Variants in CCNJL observed in about 807,000 individuals in gnomAD.
CCNJL encodes the protein cyclin-J-like protein.
Under a neutral mutation model 33.4 loss-of-function variants are expected in CCNJL, and 33 were observed. The ratio of observed to expected loss-of-function variants is 0.99; its 90% CI spans 0.75 to 1.32. CCNJL has a LOEUF of 1.32. Among genes scored for constraint, CCNJL ranks in the 40% most tolerant of loss-of-function variants. The probability of loss-of-function intolerance (pLI) is 0.00; values close to 1 mark genes in which losing one functional copy is unlikely to be tolerated. For synonymous variants in CCNJL, 227 were observed against 220.9 expected (o/e 1.03, Z -0.24); for missense variants, 512 against 499.7 (o/e 1.02, Z -0.23).
chr5:160,264,449 G>A (rs542066507), intron 3 of CCNJL, among the ~76,000 whole-genome samples: 1 of 152,148 alleles, frequency 6.6e-6, no homozygotes, highest in Admixed American at 6.5e-5. Context: ...CGTGGCAGGT[G>A]AGGATGACCA....
intron 1 of CCNJL, among the ~76,000 whole-genome samples, chr5:160,331,484 A>G (rs765672218): frequency 6.6e-5 from 10 of 151,960 alleles, no homozygotes; most frequent in African/African-American, 1.2e-4. Flanking sequence ...TCAGCCTCCC[A>G]AAGTCCTGGG....
At chr5:160,313,719 G>A (rs1322591672), upstream of CCNJL, among the ~76,000 whole-genome samples, 1 of 152,170 alleles carries the variant, frequency 6.6e-6, no homozygotes, top group East Asian at 1.9e-4. Flanking sequence ...AAGGCTTGAA[G>A]GAATAGAGGC....
chr5:160,307,248 C>T (rs1293951477), intron 2 of CCNJL, among the ~76,000 whole-genome samples: 1 of 152,158 alleles, frequency 6.6e-6, no homozygotes, highest in Non-Finnish European at 1.5e-5. Flanking sequence ...TCTGGGAATG[C>T]CAAGGTAACA....
At chr5:160,270,873 G>A (rs1761809988) in intron 3 of CCNJL, among the ~76,000 whole-genome samples, 1 of 152,162 alleles carries the variant, frequency 6.6e-6, no homozygotes, top group Admixed American at 6.5e-5. Context: ...ATTCCAGAAC[G>A]TAGGTCTGCT....
At position 160,253,458 on chromosome 5, in the gene CCNJL, T is replaced by C. The variant is rs1411028926; in HGVS notation, c.1084A>G (p.Arg362Gly). 9 of 1,613,236 alleles carry C rather than the reference T, an allele frequency of 5.6e-6. No homozygotes were observed. Among genetic ancestry groups the C allele is most frequent in the Non-Finnish European group, 7.6e-6 (9 of 1,179,622 alleles). The part of the protein sequence containing the change: ...SMHMAIAAEP[R>G]HCLATTYGSS... Reference sequence around the variant, plus strand: ...CCATAGGTGGTGGCGAGGCAGTGCCTGGGCTCAGCTGCAATGGCCATATGC... The same window carrying C: ...CCATAGGTGGTGGCGAGGCAGTGCCCGGGCTCAGCTGCAATGGCCATATGC... Residue 362 changes from arginine to glycine, a missense_variant, in exon 6 of 6, where the codon AGG (arginine) becomes GGG (glycine). Physicochemically the swap from Arg to Gly is moderately radical, Grantham distance 125. Transcript: ENST00000257536.
At chr5:160,298,007 GGAGGCTGCATTGCAAGTCCTCTGCTCTAT>G (rs1324125929) in intron 2 of CCNJL, among the ~76,000 whole-genome samples, 1 of 152,150 alleles carries the variant, frequency 6.6e-6, no homozygotes, top group Non-Finnish European at 1.5e-5. Context: ...TCACCAACTT[GGAGGCTGCATTGCAAGTCCTCTGCTCTAT>G]GTGTGCCTTA....
rs919863912 is a variant in CCNJL at position 160,307,744 on chromosome 5, C to G, written c.66+4114G>C. Reference sequence around the variant, plus strand: ...GCACTCCCACCCCCAGCAGAAAGGTCAGAGGAGCTGAAGGGAGCGGGGTCC... The same window carrying G: ...GCACTCCCACCCCCAGCAGAAAGGTGAGAGGAGCTGAAGGGAGCGGGGTCC... On this transcript the variant is annotated intron_variant, in intron 2 of 5. Coordinates refer to ENST00000257536, the MANE Select transcript of CCNJL (RefSeq NM_001308173.3). 5.3e-5 allele frequency among the ~76,000 whole-genome samples: 8 copies of G among 152,142 alleles called. No individual in the cohort carries two copies. In the East Asian group the frequency reaches 1.5e-3, roughly 29 times the overall value.
At position 160,257,422 on chromosome 5, in the gene CCNJL, C is replaced by T. The variant is rs371994544; in HGVS notation, c.584-1714G>A. 3.3e-3 allele frequency among the ~76,000 whole-genome samples: 509 copies of T among 152,134 alleles called. 1 individual carries two copies. Among genetic ancestry groups the T allele is most frequent in the African/African-American group, 0.012 (485 of 41,502 alleles). On this transcript the variant is annotated intron_variant, in intron 4 of 5. Coordinates refer to ENST00000257536, the MANE Select transcript of CCNJL (RefSeq NM_001308173.3). ...CCTGGGAGGCGGAGCTTGCAGTGAGCCAAGATCGTGCCACTACACTCCAGC... is the reference window on the plus strand; with the variant it reads ...CCTGGGAGGCGGAGCTTGCAGTGAGTCAAGATCGTGCCACTACACTCCAGC...
rs1438887872 is a variant in CCNJL at position 160,283,000 on chromosome 5, T to TATATATATAC, written c.67-2272_67-2263dup. On this transcript the variant is annotated intron_variant, in intron 2 of 5. Coordinates refer to ENST00000257536, the MANE Select transcript of CCNJL (RefSeq NM_001308173.3). ...ATATATATATATATATATATATATA[T>TATATATATAC]ATATATATACATATATATATATATA... is the stretch of plus-strand genomic sequence containing the variant. Among the ~76,000 whole-genome samples the TATATATATAC allele has an allele frequency of 1.1e-4, 6 of 56,496 alleles. No homozygotes were observed. The East Asian group carries it at 5.9e-3, about 56-fold the overall frequency. The allele number at this position is 56,496 out of a possible 152,430, so 37.1% of individuals were successfully genotyped here.
At position 160,253,727 on chromosome 5, in the gene CCNJL, G is replaced by C. The variant is rs554916887; in HGVS notation, c.815C>G (p.Pro272Arg). Reference sequence around the variant, plus strand: ...GAACAGCACTTGAGTGGGGGTGGGGGGTGTGCCGGGCACCATTGCCAAGGC... The same window carrying C: ...GAACAGCACTTGAGTGGGGGTGGGGCGTGTGCCGGGCACCATTGCCAAGGC... Reference protein sequence around the residue: ...SQALAMVPGTPPTPTQVLFQP... With the variant: ...SQALAMVPGTRPTPTQVLFQP... Residue 272 changes from proline (P) to arginine (R), a missense_variant, in exon 6 of 6, where the codon CCC becomes CGC. Physicochemically the swap from Pro to Arg is moderately radical, Grantham distance 103 (BLOSUM62 -2). Transcript: ENST00000257536. 1.3e-6 allele frequency: 2 copies of C among 1,579,486 alleles called. No homozygotes were observed. The highest frequency in any genetic ancestry group is 1.7e-6 in the Non-Finnish European group (2 of 1,164,118).
rs1024854192 is a variant in CCNJL at position 160,292,263 on chromosome 5, A to G, written c.67-11525T>C. ...TTTGGAATTGCTCATTATGATGAATAGTTTTATAGAGCCTTATGAGATATA... is the reference window on the plus strand; with the variant it reads ...TTTGGAATTGCTCATTATGATGAATGGTTTTATAGAGCCTTATGAGATATA... On this transcript the variant is annotated intron_variant, in intron 2 of 5. Transcript: ENST00000257536. Among the ~76,000 whole-genome samples, 3 of 152,278 alleles carry G rather than the reference A, an allele frequency of 2.0e-5. No individual in the cohort carries two copies. The East Asian group carries it at 5.8e-4, about 29-fold the overall frequency.
chr5:160,263,665 G>C (rs1021664846), intron 3 of CCNJL, among the ~76,000 whole-genome samples: 4 of 152,184 alleles, frequency 2.6e-5, no homozygotes, highest in Admixed American at 6.5e-5. Context: ...GCTTATGTTA[G>C]ATCACTTGAT....
rs139826604 is a variant in CCNJL at position 160,299,901 on chromosome 5, C to T, written c.66+11957G>A. Among the ~76,000 whole-genome samples the T allele has an allele frequency of 3.5e-4, 53 of 151,776 alleles. No homozygotes were observed. The East Asian group carries it at 3.7e-3, about 11-fold the overall frequency. The stretch of plus-strand genomic sequence containing the variant: ...CACACCAACGCTGTCTACCACGTTG[C>T]GTCTAATGACTGCACCATATTTTCA... On this transcript the variant is annotated intron_variant, in intron 2 of 5. Coordinates refer to ENST00000257536, the MANE Select transcript of CCNJL (RefSeq NM_001308173.3).
At chr5:160,296,079 T>C (rs1156735810) in intron 2 of CCNJL, among the ~76,000 whole-genome samples, 3 of 152,216 alleles carry the variant, frequency 2.0e-5, no homozygotes, top group Non-Finnish European at 4.4e-5. Context: ...TAGCACAGTG[T>C]GTAGCATGCA....
At chr5:160,338,199 C>T (rs1203344099) in intron 1 of CCNJL, among the ~76,000 whole-genome samples, 2 of 151,878 alleles carry the variant, frequency 1.3e-5, no homozygotes, top group Admixed American at 6.6e-5. Flanking sequence ...AAGTTGGAAG[C>T]CACCCTGGGT....
At chr5:160,255,495 A>T in intron 5 of CCNJL, 54 bp downstream of exon 5, 1 of 1,571,112 alleles carries the variant, frequency 6.4e-7, no homozygotes. Flanking sequence ...GCAGGCCTCA[A>T]GGCAAGAGGA....
intron 4 of CCNJL, among the ~76,000 whole-genome samples, chr5:160,257,152 G>C (rs1278750372): frequency 2.0e-5 from 3 of 151,894 alleles, no homozygotes; most frequent in Non-Finnish European, 4.4e-5. Flanking sequence ...ACGAGCCTGA[G>C]CAACATGGCG....
intron 2 of CCNJL, among the ~76,000 whole-genome samples, chr5:160,300,167 C>A (rs1394815472): frequency 1.3e-5 from 2 of 152,144 alleles, no homozygotes; most frequent in African/African-American, 4.8e-5. Context: ...GGGCCTGGAA[C>A]CATCTGCTCC....
At chr5:160,328,074 G>A (rs1763561773) in intron 1 of CCNJL, among the ~76,000 whole-genome samples, 1 of 152,280 alleles carries the variant, frequency 6.6e-6, no homozygotes, top group Non-Finnish European at 1.5e-5. Flanking sequence ...TGGTACAGAG[G>A]CTCACGCAGG....
Sources: gnomAD v4.1 joint callset for allele counts (sites outside exome capture counted in the v4.1 genomes callset) on GRCh38, gnomAD v4.1.1 for gene constraint, MANE v1.5 for transcripts, NCBI Gene and HGNC (gene_info 2026-07-23, HGNC 2026-07-21) for gene names.